The following AFAP1 variants were observed in gnomAD, a reference collection of about 807,000 sequenced individuals.
The protein encoded by AFAP1 is actin filament-associated protein 1.
AFAP1 carries 75 observed loss-of-function variants against 93.9 expected under a neutral mutation model. That is an observed-to-expected ratio of 0.80 (90% CI 0.66 to 0.97). The LOEUF (loss-of-function observed/expected upper bound fraction) is 0.97. Among genes scored for constraint, AFAP1 ranks in the 50% least tolerant of loss-of-function variants. The pLI is 0.00. For synonymous variants in AFAP1, 517 were observed against 430.7 expected (o/e 1.20, Z -2.48); for missense variants, 1,201 against 1,050.8 (o/e 1.14, Z -1.98).
intron 1 of AFAP1, among the ~76,000 whole-genome samples, chr4:7,885,042 T>G (rs1718067557): frequency 6.6e-6 from 1 of 152,158 alleles, no homozygotes; most frequent in South Asian, 2.1e-4. Flanking sequence ...TGGAGAACTG[T>G]TTCACAAAAG....
intron 1 of AFAP1, among the ~76,000 whole-genome samples, chr4:7,937,057 G>A (rs1721428427): frequency 6.6e-6 from 1 of 152,006 alleles, no homozygotes; most frequent in Non-Finnish European, 1.5e-5. Flanking sequence ...AAAAAGATCT[G>A]AGCTCAACAA....
chr4:7,850,331 T>A (rs948213859), intron 4 of AFAP1, among the ~76,000 whole-genome samples: 2 of 152,066 alleles, frequency 1.3e-5, no homozygotes, highest in African/African-American at 4.8e-5. Context: ...TGAGTGCTCA[T>A]CTCCAAACAC....
At position 7,762,629 on chromosome 4, in the gene AFAP1, C is replaced by G. The variant is rs1239340011; in HGVS notation, c.*1136G>C. 1 of 152,248 alleles carries G rather than the reference C, an allele frequency of 6.6e-6. No homozygotes were observed. Among genetic ancestry groups the G allele is most frequent in the Non-Finnish European group, 1.5e-5 (1 of 68,070 alleles). 9.4% of individuals were successfully genotyped at this position (152,248 alleles called of 1,614,324 possible). On this transcript the variant is annotated 3_prime_UTR_variant, in exon 18 of 18. Coordinates refer to ENST00000420658, the MANE Select transcript of AFAP1 (RefSeq NM_001134647.2). ...ATTGCACAGAAGGCAAGCAAGAAAG[C>G]TGGGAAAGAGGCCCTACTTGCACCC... is the stretch of plus-strand genomic sequence containing the variant.
chr4:7,763,609 G>T lies in AFAP1; in HGVS notation c.*156C>A. 1 of 722,404 alleles carries T rather than the reference G, an allele frequency of 1.4e-6. No homozygotes were observed. Among genetic ancestry groups the T allele is most frequent in the East Asian group, 2.9e-5 (1 of 34,790 alleles). The allele number at this position is 722,404 out of a possible 1,614,324, so 44.7% of individuals were successfully genotyped here. ...TTTTACAGTAGAAAGAATACAAGTG[G>T]GCCTGGGGGACAGGCACTGGCCTCA... On this transcript the variant is annotated 3_prime_UTR_variant, in exon 18 of 18. Transcript: ENST00000420658.
chr4:7,897,799 G>C (rs1245494821), intron 1 of AFAP1, among the ~76,000 whole-genome samples: 1 of 152,070 alleles, frequency 6.6e-6, no homozygotes, highest in African/African-American at 2.4e-5. Context: ...GCTGGAATAA[G>C]TGCTGGAATT....
Position 7,786,186 on chromosome 4 carries a change from G to A in AFAP1, c.1530+8C>T, listed in dbSNP as rs775681602. On this transcript the variant is annotated splice_region_variant and intron_variant, in intron 12 of 17. Transcript: ENST00000420658. ...AACCAACCATTACTCCAAAAAAAGG[G>A]CACTCACCGAGCCGTTGATGCACGG... 1.9e-6 allele frequency: 3 copies of A among 1,610,730 alleles called. No homozygotes were observed. The highest frequency in any genetic ancestry group is 1.7e-6 in the Non-Finnish European group (2 of 1,177,552).
At chr4:7,888,084 C>A (rs1718235276) in intron 1 of AFAP1, among the ~76,000 whole-genome samples, 1 of 152,224 alleles carries the variant, frequency 6.6e-6, no homozygotes. Context: ...ACCTCGGCCT[C>A]ACAAAGTGCT....
intron 4 of AFAP1, among the ~76,000 whole-genome samples, chr4:7,851,411 C>T (rs893185271): frequency 1.2e-4 from 19 of 152,174 alleles, no homozygotes; most frequent in African/African-American, 4.1e-4. Context: ...TGAACACTGC[C>T]TAATGGTTTG....
At chr4:7,886,179 A>G (rs1020839911) in intron 1 of AFAP1, among the ~76,000 whole-genome samples, 5 of 152,222 alleles carry the variant, frequency 3.3e-5, no homozygotes, top group African/African-American at 1.2e-4. Context: ...ATGATTTTGA[A>G]TACAAGTCAT....
At chr4:7,786,404 G>T in intron 11 of AFAP1, 93 bp from the exon 12 acceptor site, 1 of 1,062,750 alleles carries the variant, frequency 9.4e-7, no homozygotes, top group African/African-American at 1.6e-5. Context: ...TATGCCCAAG[G>T]CTATGTCAGA....
intron 11 of AFAP1, among the ~76,000 whole-genome samples, chr4:7,787,614 G>T (rs1234676469): frequency 6.6e-6 from 1 of 152,178 alleles, no homozygotes; most frequent in African/African-American, 2.4e-5. Flanking sequence ...CTAGAGAATT[G>T]CTGGGCATGG....
Position 7,816,109 on chromosome 4 carries a change from GA to G in AFAP1, c.823-11del. ...TCTCTGAAGACAGTTTCTGTAAGGAGAAAAAGATTAAGTTATTCTTACAGTG... is the reference window on the plus strand; with the variant it reads ...TCTCTGAAGACAGTTTCTGTAAGGAGAAAAGATTAAGTTATTCTTACAGTG... On this transcript the variant is annotated splice_polypyrimidine_tract_variant and intron_variant, in intron 7 of 17. Transcript: ENST00000420658. 1 of 1,605,416 alleles carries G rather than the reference GA, an allele frequency of 6.2e-7. No individual in the cohort carries two copies. Among genetic ancestry groups the G allele is most frequent in the Non-Finnish European group, 8.5e-7 (1 of 1,175,692 alleles).
chr4:7,869,980 TG>T (rs1362671571), intron 2 of AFAP1, among the ~76,000 whole-genome samples: 1 of 152,146 alleles, frequency 6.6e-6, no homozygotes, highest in Non-Finnish European at 1.5e-5. Context: ...TGGAGCTCAC[TG>T]GGCGGAGGGA....
intron 3 of AFAP1, among the ~76,000 whole-genome samples, chr4:7,867,313 T>A (rs1356086816): frequency 6.6e-6 from 1 of 152,174 alleles, no homozygotes; most frequent in African/African-American, 2.4e-5. Context: ...ACTTGAGATA[T>A]ATTTGCTCTT....
intron 1 of AFAP1, among the ~76,000 whole-genome samples, chr4:7,878,853 T>C (rs1717676384): frequency 6.6e-6 from 1 of 152,120 alleles, no homozygotes; most frequent in South Asian, 2.1e-4. Context: ...CACTACTTTT[T>C]ATACCGTAAC....
chr4:7,782,170 C>T (rs566676642), intron 12 of AFAP1, among the ~76,000 whole-genome samples: 4 of 151,546 alleles, frequency 2.6e-5, no homozygotes, highest in South Asian at 4.1e-4. Flanking sequence ...CACAGTCATC[C>T]GGGGAAAAAG....
chr4:7,771,864 G>T (rs1043618885), intron 16 of AFAP1, among the ~76,000 whole-genome samples: 1 of 152,124 alleles, frequency 6.6e-6, no homozygotes, highest in African/African-American at 2.4e-5. Flanking sequence ...GGGCAGGGAT[G>T]GGGGGATGGG....
chr4:7,902,086 A>G (rs1474202419), intron 1 of AFAP1, among the ~76,000 whole-genome samples: 1 of 152,228 alleles, frequency 6.6e-6, no homozygotes, highest in Admixed American at 6.5e-5. Flanking sequence ...TGGAGCAAAT[A>G]ACCTGCCATG....
chr4:7,899,199 C>A (rs945859912), intron 1 of AFAP1, among the ~76,000 whole-genome samples: 2 of 151,976 alleles, frequency 1.3e-5, no homozygotes, highest in African/African-American at 4.8e-5. Context: ...CTAGATAGGG[C>A]AATGAATGAA....
Sources: allele counts gnomAD v4.1 joint callset (sites outside exome capture counted in the v4.1 genomes callset), GRCh38; gene constraint gnomAD v4.1.1; transcripts MANE v1.5; gene names NCBI Gene and HGNC (gene_info 2026-07-23, HGNC 2026-07-21).